The following LRRTM4 variants were observed in gnomAD, a reference collection of about 807,000 sequenced individuals.
LRRTM4 encodes leucine-rich repeat transmembrane neuronal protein 4.
In LRRTM4, 25 loss-of-function variants were observed where a neutral mutation model predicts 47.6. The ratio of observed to expected loss-of-function variants is 0.53; its 90% CI spans 0.38 to 0.73. The LOEUF (loss-of-function observed/expected upper bound fraction) is 0.73. Ranked by LOEUF, LRRTM4 falls within the 30% of genes least tolerant of loss-of-function variation. The pLI is 0.00. For missense variants in LRRTM4, 638 were observed against 713.4 expected (o/e 0.89, Z 1.20); for synonymous variants, 311 against 269.5 (o/e 1.15, Z -1.51).
chr2:77,492,736 T>C (rs1678215905), intron 3 of LRRTM4, among the ~76,000 whole-genome samples: 1 of 152,152 alleles, frequency 6.6e-6, no homozygotes, highest in Non-Finnish European at 1.5e-5. Flanking sequence ...GGATACTTTA[T>C]GAAATCAATG....
At chr2:77,072,818 A>C (rs952995210) in intron 3 of LRRTM4, among the ~76,000 whole-genome samples, 5 of 151,548 alleles carry the variant, frequency 3.3e-5, no homozygotes, top group Admixed American at 2.6e-4. Flanking sequence ...AAAAAAAAAA[A>C]AAAAACAAAG....
At chr2:76,787,730 C>A (rs1326054431) in intron 3 of LRRTM4, among the ~76,000 whole-genome samples, 22 of 151,972 alleles carry the variant, frequency 1.4e-4, no homozygotes, top group Admixed American at 1.4e-3. Flanking sequence ...TGTTTTGCAA[C>A]TATGAAAAGA....
chr2:77,382,527 A>G (rs1383241370), intron 3 of LRRTM4, among the ~76,000 whole-genome samples: 1 of 152,106 alleles, frequency 6.6e-6, no homozygotes, highest in African/African-American at 2.4e-5. Flanking sequence ...CCCAGAGACT[A>G]CATTCTGAGG....
rs568671038 is a variant in LRRTM4, at chr2:77,399,167, CT to C, written c.1551+119150del. Among the ~76,000 whole-genome samples the C allele has an allele frequency of 8.2e-3, 1,115 of 136,358 alleles. 7 individuals are homozygous for C. Among genetic ancestry groups the C allele is most frequent in the Middle Eastern group, 0.031 (8 of 256 alleles). The allele number at this position is 136,358 out of a possible 152,430, so 89.5% of individuals were successfully genotyped here. On this transcript the variant is annotated intron_variant, in intron 3 of 3. Transcript: ENST00000409884. ...ATAGGGGTCCAGAACAACAGCAGGGCTTTTTTTTTTTTTAATTTTAAAAAAT... is the reference window on the plus strand; with the variant it reads ...ATAGGGGTCCAGAACAACAGCAGGGCTTTTTTTTTTTTAATTTTAAAAAAT...
intron 3 of LRRTM4, among the ~76,000 whole-genome samples, chr2:77,143,121 A>G (rs1672169448): frequency 6.6e-6 from 1 of 152,160 alleles, no homozygotes; most frequent in Admixed American, 6.6e-5. Context: ...TACATACATT[A>G]TTTCTCATAA....
intron 3 of LRRTM4, among the ~76,000 whole-genome samples, chr2:77,489,171 G>A (rs550289583): frequency 7.2e-5 from 11 of 152,094 alleles, no homozygotes; most frequent in East Asian, 3.9e-4. Context: ...ACTCTATGAC[G>A]TTTACTTCTG....
intron 3 of LRRTM4, among the ~76,000 whole-genome samples, chr2:77,351,596 T>C (rs1671778117): frequency 7.0e-6 from 1 of 142,994 alleles, no homozygotes; most frequent in African/African-American, 2.8e-5. Flanking sequence ...AACATGCTTT[T>C]GTGAAACCAT....
At chr2:76,981,827 T>C (rs1676618688) in intron 3 of LRRTM4, among the ~76,000 whole-genome samples, 1 of 151,950 alleles carries the variant, frequency 6.6e-6, no homozygotes, top group South Asian at 2.1e-4. Context: ...AGAAATAGTC[T>C]AGGCTTCTAT....
chr2:76,894,865 T>C (rs1189699331), intron 3 of LRRTM4, among the ~76,000 whole-genome samples: 1 of 151,610 alleles, frequency 6.6e-6, no homozygotes, highest in African/African-American at 2.4e-5. Flanking sequence ...CATGCGCACA[T>C]TGTTATTTAC....
chr2:77,399,507 A>G (rs571754854), intron 3 of LRRTM4, among the ~76,000 whole-genome samples: 78 of 151,968 alleles, frequency 5.1e-4, no homozygotes, highest in African/African-American at 1.8e-3. Flanking sequence ...AGGTTACACA[A>G]TTCCAGTTAC....
intron 3 of LRRTM4, among the ~76,000 whole-genome samples, chr2:77,484,328 T>G (rs2104026215): frequency 6.6e-6 from 1 of 152,340 alleles, no homozygotes; most frequent in South Asian, 2.1e-4. Flanking sequence ...CCTTTTTTTT[T>G]CCTGTCTCTC....
chr2:77,343,250 T>C (rs1208629626), intron 3 of LRRTM4, among the ~76,000 whole-genome samples: 1 of 151,928 alleles, frequency 6.6e-6, no homozygotes. Context: ...TCTCATACTT[T>C]TTAACACATG....
intron 3 of LRRTM4, among the ~76,000 whole-genome samples, chr2:77,057,506 T>C (rs1449436666): frequency 6.6e-6 from 1 of 152,208 alleles, no homozygotes; most frequent in African/African-American, 2.4e-5. Context: ...TGCTAAATCA[T>C]AGTGCAGCAG....
At chr2:77,431,281 G>C (rs1208443080) in intron 3 of LRRTM4, among the ~76,000 whole-genome samples, 3 of 148,170 alleles carry the variant, frequency 2.0e-5, no homozygotes, top group Non-Finnish European at 4.4e-5. Context: ...TTTGCTCAGA[G>C]TTCTGGAAGC....
At chr2:77,274,894 G>C (rs1466955223) in intron 3 of LRRTM4, among the ~76,000 whole-genome samples, 2 of 152,080 alleles carry the variant, frequency 1.3e-5, no homozygotes, top group African/African-American at 4.8e-5. Flanking sequence ...ACAAGGATTT[G>C]GTAGCCCTCA....
intron 3 of LRRTM4, among the ~76,000 whole-genome samples, chr2:76,882,830 C>T (rs1282672513): frequency 6.6e-6 from 1 of 152,086 alleles, no homozygotes; most frequent in East Asian, 1.9e-4. Context: ...GAGGAATCTG[C>T]ACTCCAGAGC....
Position 77,287,958 on chromosome 2 carries a change from G to A in LRRTM4, c.1551+230360C>T, listed in dbSNP as rs553368851. Among the ~76,000 whole-genome samples, 19 of 152,222 alleles carry A rather than the reference G, an allele frequency of 1.2e-4. No homozygotes were observed. The South Asian group carries it at 3.3e-3, about 27-fold the overall frequency. On this transcript the variant is annotated intron_variant, in intron 3 of 3. Transcript: ENST00000409884. Reference sequence around the variant, plus strand: ...ACTACTGTATACAACAAAGGGTAATGTATTCACATCATTCAACACATCTGT... The same window carrying A: ...ACTACTGTATACAACAAAGGGTAATATATTCACATCATTCAACACATCTGT...
intron 3 of LRRTM4, among the ~76,000 whole-genome samples, chr2:77,419,472 A>G (rs1396433667): frequency 2.6e-5 from 4 of 152,204 alleles, no homozygotes; most frequent in Non-Finnish European, 4.4e-5. Context: ...AATCATCTCT[A>G]GATTACTTAT....
intron 3 of LRRTM4, among the ~76,000 whole-genome samples, chr2:77,184,326 C>A (rs997170078): frequency 6.6e-6 from 1 of 151,972 alleles, no homozygotes; most frequent in Non-Finnish European, 1.5e-5. Context: ...CAATATTTTT[C>A]TTGGATATTT....
Sources: allele counts gnomAD v4.1 joint callset (sites outside exome capture counted in the v4.1 genomes callset), GRCh38; gene constraint gnomAD v4.1.1; transcripts MANE v1.5; gene names NCBI Gene and HGNC (gene_info 2026-07-23, HGNC 2026-07-21).